ANGPT1: variants seen among roughly 807,000 people sequenced by gnomAD.
The protein encoded by ANGPT1 is angiopoietin-1.
A neutral mutation model predicts 62.2 loss-of-function variants in ANGPT1; 17 were observed. That is an observed-to-expected ratio of 0.27 (90% CI 0.19 to 0.41). The LOEUF is 0.41. Ranked by LOEUF, ANGPT1 falls within the 10% of genes least tolerant of loss-of-function variation. ANGPT1 has a pLI of 1.00. For synonymous variants in ANGPT1, 199 were observed against 198.9 expected (o/e 1.00, Z 0.00); for missense variants, 478 against 594.9 (o/e 0.80, Z 2.04).
At chr8:107,424,821 T>G (rs1810994129) in intron 1 of ANGPT1, among the ~76,000 whole-genome samples, 2 of 152,246 alleles carry the variant, frequency 1.3e-5, no homozygotes, top group Admixed American at 6.5e-5. Flanking sequence ...ATTCATATAT[T>G]TGTTATACAT....
intron 1 of ANGPT1, among the ~76,000 whole-genome samples, chr8:107,379,133 A>AT (rs2130266736): frequency 6.6e-6 from 1 of 152,096 alleles, no homozygotes; most frequent in South Asian, 2.1e-4. Flanking sequence ...GGGGAGATAT[A>AT]TTTTTTCATG....
intron 4 of ANGPT1, among the ~76,000 whole-genome samples, chr8:107,306,383 A>G (rs984458314): frequency 6.6e-6 from 1 of 152,164 alleles, no homozygotes; most frequent in Non-Finnish European, 1.5e-5. Flanking sequence ...AAAACAGGCA[A>G]TCTCATCTTG....
intron 1 of ANGPT1, among the ~76,000 whole-genome samples, chr8:107,388,278 G>T (rs1816770679): frequency 6.6e-6 from 1 of 152,018 alleles, no homozygotes; most frequent in African/African-American, 2.4e-5. Flanking sequence ...AGCTGGACAT[G>T]GTGGCATGTA....
At chr8:107,350,511 A>G (rs1464476137) in intron 1 of ANGPT1, among the ~76,000 whole-genome samples, 1 of 152,094 alleles carries the variant, frequency 6.6e-6, no homozygotes, top group Non-Finnish European at 1.5e-5. Context: ...ATTCTGTACT[A>G]TTGTGCTTTT....
At position 107,250,321 on chromosome 8, in the gene ANGPT1, C is replaced by A. The variant is rs1199840173; in HGVS notation, c.*1534G>T. On this transcript the variant is annotated 3_prime_UTR_variant, in exon 9 of 9. Coordinates refer to ENST00000517746, the MANE Select transcript of ANGPT1 (RefSeq NM_001146.5). ...AAAATAATGCAGTAACTTCAAGCAC[C>A]CCAAAAATTCACTTAAAATACATTA... 1 of 152,018 alleles carries A rather than the reference C, an allele frequency of 6.6e-6. No homozygotes were observed. The highest frequency in any genetic ancestry group is 1.9e-4 in the East Asian group (1 of 5,188). The allele number at this position is 152,018 out of a possible 1,614,324, so 9.4% of individuals were successfully genotyped here. A position where few individuals can be genotyped will look rare whatever the true frequency, so the allele number is the denominator to read the frequency against.
At chr8:107,488,009 G>A (rs1812858386) in intron 1 of ANGPT1, among the ~76,000 whole-genome samples, 1 of 152,078 alleles carries the variant, frequency 6.6e-6, no homozygotes, top group Admixed American at 6.5e-5. Flanking sequence ...AAGTAGATAA[G>A]TGTACACTAT....
chr8:107,306,035 G>T (rs1314086728), intron 4 of ANGPT1, among the ~76,000 whole-genome samples: 1 of 151,950 alleles, frequency 6.6e-6, no homozygotes, highest in Non-Finnish European at 1.5e-5. Flanking sequence ...AAATACCTCT[G>T]AGATGGGTGT....
At chr8:107,433,926 G>T (rs1020444683) in intron 1 of ANGPT1, among the ~76,000 whole-genome samples, 14 of 152,094 alleles carry the variant, frequency 9.2e-5, no homozygotes, top group Admixed American at 9.2e-4. Context: ...AATTCATCAA[G>T]CTCCTACTAT....
chr8:107,442,865 T>G (rs1586326203), intron 1 of ANGPT1, among the ~76,000 whole-genome samples: 1 of 152,286 alleles, frequency 6.6e-6, no homozygotes, highest in Non-Finnish European at 1.5e-5. Context: ...AGGTGCTATA[T>G]TTTTTCTGCA....
chr8:107,348,620 T>C (rs981826084), intron 1 of ANGPT1, among the ~76,000 whole-genome samples: 7 of 152,196 alleles, frequency 4.6e-5, no homozygotes, highest in Admixed American at 4.6e-4. Flanking sequence ...TATCAAAATG[T>C]AAGGCCTGTA....
At chr8:107,297,806 G>C (rs1480390000) in intron 5 of ANGPT1, among the ~76,000 whole-genome samples, 2 of 150,062 alleles carry the variant, frequency 1.3e-5, no homozygotes, top group Non-Finnish European at 3.0e-5. Context: ...TATTTAAGAG[G>C]TTGGACTCAC....
intron 1 of ANGPT1, among the ~76,000 whole-genome samples, chr8:107,438,289 TATC>T (rs961900746): frequency 3.9e-5 from 6 of 152,290 alleles, no homozygotes; most frequent in Admixed American, 2.6e-4. Flanking sequence ...CCTTCTTTGA[TATC>T]ATCATCTTCT....
chr8:107,392,024 T>C (rs993533644), intron 1 of ANGPT1, among the ~76,000 whole-genome samples: 1 of 152,192 alleles, frequency 6.6e-6, no homozygotes, highest in African/African-American at 2.4e-5. Flanking sequence ...GTAATAGCTG[T>C]AATCATTCAA....
chr8:107,437,286 C>T (rs753204368), intron 1 of ANGPT1, among the ~76,000 whole-genome samples: 2 of 152,084 alleles, frequency 1.3e-5, no homozygotes, highest in Admixed American at 6.6e-5. Context: ...AAAAAGTGTT[C>T]GTTTCTCCTT....
chr8:107,326,558 A>C (rs1374475315), intron 3 of ANGPT1, among the ~76,000 whole-genome samples: 1 of 151,662 alleles, frequency 6.6e-6, no homozygotes, highest in Admixed American at 6.6e-5. Context: ...CTTCTCTTTG[A>C]TTCCTCCCAT....
chr8:107,401,043 G>T (rs1377623006), intron 1 of ANGPT1, among the ~76,000 whole-genome samples: 1 of 151,962 alleles, frequency 6.6e-6, no homozygotes. Context: ...CTGTTAAAAC[G>T]TTACTTTTGG....
At chr8:107,314,289 G>T (rs1814956177) in intron 4 of ANGPT1, among the ~76,000 whole-genome samples, 4 of 152,154 alleles carry the variant, frequency 2.6e-5, no homozygotes. Context: ...CTGGAACCAG[G>T]AGATATCCCT....
chr8:107,283,462 A>C (rs1814064045), intron 7 of ANGPT1, among the ~76,000 whole-genome samples: 1 of 152,092 alleles, frequency 6.6e-6, no homozygotes, highest in Non-Finnish European at 1.5e-5. Flanking sequence ...ATCCAACCCC[A>C]TACATAATCC....
chr8:107,366,386 A>G (rs1816273557), intron 1 of ANGPT1, among the ~76,000 whole-genome samples: 1 of 152,194 alleles, frequency 6.6e-6, no homozygotes. Context: ...AAAAGTTGCT[A>G]CTTCAGGGCA....
Sources: allele counts gnomAD v4.1 joint callset (sites outside exome capture counted in the v4.1 genomes callset), GRCh38; gene constraint gnomAD v4.1.1; transcripts MANE v1.5; gene names NCBI Gene and HGNC (gene_info 2026-07-23, HGNC 2026-07-21).